The following FNDC3B variants were observed in gnomAD, a reference collection of about 807,000 sequenced individuals.
FNDC3B encodes the protein fibronectin type III domain-containing protein 3B.
A neutral mutation model predicts 151.5 loss-of-function variants in FNDC3B; 12 were observed. That is an observed-to-expected ratio of 0.08 (90% CI 0.05 to 0.13). The LOEUF (loss-of-function observed/expected upper bound fraction) is 0.13, where lower values mean the gene tolerates loss of function less well. Among genes scored for constraint, FNDC3B ranks in the 10% least tolerant of loss-of-function variants. The pLI, the probability that FNDC3B is intolerant of heterozygous loss-of-function variation, is 1.00. For missense variants in FNDC3B, 1,214 were observed against 1,505.3 expected, an observed-to-expected ratio of 0.81 and a Z score of 3.20; for synonymous variants, 528 against 549.0, an observed-to-expected ratio of 0.96 and a Z score of 0.54.
At chr3:172,202,650 A>G (rs1163171432) in intron 3 of FNDC3B, among the ~76,000 whole-genome samples, 1 of 152,192 alleles carries the variant, frequency 6.6e-6, no homozygotes, top group African/African-American at 2.4e-5. Flanking sequence ...GTCTTCTTAT[A>G]AAGTCTTAAG....
chr3:172,142,711 T>A (rs1721688187), intron 3 of FNDC3B, among the ~76,000 whole-genome samples: 1 of 152,246 alleles, frequency 6.6e-6, no homozygotes, highest in Non-Finnish European at 1.5e-5. Flanking sequence ...CTATCCTGCA[T>A]GCAGGAGGCA....
At chr3:172,241,885 C>T (rs1464581585) in intron 4 of FNDC3B, among the ~76,000 whole-genome samples, 2 of 152,224 alleles carry the variant, frequency 1.3e-5, no homozygotes, top group Non-Finnish European at 2.9e-5. Context: ...AAAGTCTCAT[C>T]TGAGACAAAG....
chr3:172,145,786 G>A (rs1273303492), intron 3 of FNDC3B, among the ~76,000 whole-genome samples: 1 of 151,178 alleles, frequency 6.6e-6, no homozygotes, highest in Non-Finnish European at 1.5e-5. Flanking sequence ...TTGTCTTTGA[G>A]TGTAAACTTG....
At chr3:172,332,162 G>T (rs1053065450) in intron 13 of FNDC3B, among the ~76,000 whole-genome samples, 1 of 152,040 alleles carries the variant, frequency 6.6e-6, no homozygotes, top group South Asian at 2.1e-4. Context: ...TAGAGACGGG[G>T]TTTCTCCATG....
chr3:172,333,115 T>G lies in FNDC3B; in HGVS notation c.1581T>G (p.Thr527=). The G allele has an allele frequency of 6.2e-7, 1 of 1,613,058 alleles. No individual in the cohort carries two copies. The highest frequency in any genetic ancestry group is 8.5e-7 in the Non-Finnish European group (1 of 1,179,044). ...ENDNLFHPKY[T]GEDLTCTVKN... The stretch of plus-strand genomic sequence containing the variant: ...ATAACCTTTTCCACCCAAAATACAC[T>G]GGAGAGGATTTAACCTGTACTGTGA... Residue 527 remains threonine (T), a synonymous_variant, in exon 14 of 26, where the codon ACT becomes ACG. Coordinates refer to ENST00000415807, the MANE Select transcript of FNDC3B (RefSeq NM_022763.4).
intron 3 of FNDC3B, among the ~76,000 whole-genome samples, chr3:172,226,160 C>G (rs979264916): frequency 6.6e-6 from 1 of 151,938 alleles, no homozygotes; most frequent in Non-Finnish European, 1.5e-5. Flanking sequence ...CAAAAATTAG[C>G]TGGGCGTGGT....
chr3:172,371,479 C>T (rs139146736), intron 23 of FNDC3B, among the ~76,000 whole-genome samples: 200 of 152,218 alleles, frequency 1.3e-3, no homozygotes, highest in African/African-American at 4.6e-3. Context: ...TATTGCCATC[C>T]GAGTGTCTTG....
At chr3:172,136,337 G>C (rs1721363973) in intron 3 of FNDC3B, among the ~76,000 whole-genome samples, 3 of 152,170 alleles carry the variant, frequency 2.0e-5, no homozygotes, top group Admixed American at 1.3e-4. Context: ...AATGAAGTGA[G>C]ATCTACTGGT....
intron 1 of FNDC3B, among the ~76,000 whole-genome samples, chr3:172,110,715 G>A (rs560782319): frequency 2.4e-4 from 36 of 152,142 alleles, no homozygotes; most frequent in African/African-American, 8.2e-4. Context: ...AGTGCCCAAG[G>A]AGGAGGGAAG....
intron 5 of FNDC3B, among the ~76,000 whole-genome samples, chr3:172,250,582 C>T (rs1728011620): frequency 6.6e-6 from 1 of 152,060 alleles, no homozygotes; most frequent in Admixed American, 6.6e-5. Context: ...TTTATTTGTT[C>T]TGACTTTTTC....
At chr3:172,265,805 A>C (rs901714111) in intron 6 of FNDC3B, among the ~76,000 whole-genome samples, 1 of 152,232 alleles carries the variant, frequency 6.6e-6, no homozygotes, top group Non-Finnish European at 1.5e-5. Flanking sequence ...CACTGTACAT[A>C]GTACCTACTA....
intron 1 of FNDC3B, among the ~76,000 whole-genome samples, chr3:172,043,391 G>T (rs1359666274): frequency 6.6e-6 from 1 of 152,158 alleles, no homozygotes; most frequent in Non-Finnish European, 1.5e-5. Context: ...ACCCCGGCTG[G>T]AGTGCAGCGG....
intron 1 of FNDC3B, among the ~76,000 whole-genome samples, chr3:172,111,845 T>C (rs1719986642): frequency 1.3e-5 from 2 of 152,320 alleles, no homozygotes; most frequent in Non-Finnish European, 2.9e-5. Context: ...GAGTGATAAA[T>C]TTAACTGCGA....
intron 3 of FNDC3B, among the ~76,000 whole-genome samples, chr3:172,203,809 G>A (rs1725279596): frequency 6.6e-6 from 1 of 152,052 alleles, no homozygotes; most frequent in South Asian, 2.1e-4. Flanking sequence ...ATGAAATTGG[G>A]GTATTTCCCG....
intron 3 of FNDC3B, among the ~76,000 whole-genome samples, chr3:172,197,749 G>C (rs1272567652): frequency 6.6e-6 from 1 of 152,144 alleles, no homozygotes; most frequent in African/African-American, 2.4e-5. Flanking sequence ...TTAGATCCAG[G>C]TTATCCATCT....
chr3:172,097,983 G>A (rs778018407), intron 1 of FNDC3B, among the ~76,000 whole-genome samples: 1 of 151,678 alleles, frequency 6.6e-6, no homozygotes, highest in East Asian at 1.9e-4. Flanking sequence ...CCTTTAATTT[G>A]AGAAATAATC....
intron 3 of FNDC3B, among the ~76,000 whole-genome samples, chr3:172,142,480 A>T (rs1721673767): frequency 6.6e-6 from 1 of 152,250 alleles, no homozygotes; most frequent in Non-Finnish European, 1.5e-5. Flanking sequence ...CAGATAATTC[A>T]GAAAAGCGAG....
intron 1 of FNDC3B, among the ~76,000 whole-genome samples, chr3:172,109,267 G>A (rs1466411103): frequency 2.7e-5 from 4 of 149,654 alleles, no homozygotes; most frequent in South Asian, 2.1e-4. Flanking sequence ...CCGGGTTCAC[G>A]CCATTCTCCT....
At chr3:172,299,611 C>T (rs2108228379) in intron 9 of FNDC3B, among the ~76,000 whole-genome samples, 1 of 143,368 alleles carries the variant, frequency 7.0e-6, no homozygotes, top group South Asian at 2.2e-4. Flanking sequence ...TACAACAACA[C>T]ATTGTTTCCC....
Sources: allele counts gnomAD v4.1 joint callset (sites outside exome capture counted in the v4.1 genomes callset), GRCh38; gene constraint gnomAD v4.1.1; transcripts MANE v1.5; gene names NCBI Gene and HGNC (gene_info 2026-07-23, HGNC 2026-07-21).